The following FREM1 variants were observed in gnomAD, a reference collection of about 807,000 sequenced individuals.
The protein encoded by FREM1 is FRAS1-related extracellular matrix protein 1.
In FREM1, 220 loss-of-function variants were observed where a neutral mutation model predicts 210.1. The observed-to-expected ratio is 1.05, with a 90% confidence interval of 0.94 to 1.17. The LOEUF is 1.17. FREM1 is among the 50% of genes most tolerant of loss of function. FREM1 has a pLI of 0.00. For missense variants in FREM1, 3,454 were observed against 2,675.5 expected, an observed-to-expected ratio of 1.29 and a Z score of -6.42; for synonymous variants, 1,189 against 980.2, an observed-to-expected ratio of 1.21 and a Z score of -3.98.
At chr9:14,761,464 A>C (rs985941653) in intron 27 of FREM1, among the ~76,000 whole-genome samples, 1 of 152,212 alleles carries the variant, frequency 6.6e-6, no homozygotes, top group Non-Finnish European at 1.5e-5. Flanking sequence ...GTATTAAAAA[A>C]ATTGGAAACT....
At position 14,768,318 on chromosome 9, in the gene FREM1, GTT is replaced by G. The variant is rs59443247; in HGVS notation, c.5204+1404_5204+1405del. The stretch of plus-strand genomic sequence containing the variant: ...CCACGTATTAACATTTTTGGAGCAG[GTT>G]TTTTTTTTTTTTTTTTACATTTTCT... On this transcript the variant is annotated intron_variant, in intron 27 of 36. Coordinates refer to ENST00000380880, the MANE Select transcript of FREM1 (RefSeq NM_001379081.2). 6.3e-3 allele frequency among the ~76,000 whole-genome samples: 850 copies of G among 134,104 alleles called. 2 individuals are homozygous for G. The highest frequency in any genetic ancestry group is 0.011 in the Middle Eastern group (3 of 270). The allele number at this position is 134,104 out of a possible 152,430, so 88.0% of individuals were successfully genotyped here. A position where few individuals can be genotyped will look rare whatever the true frequency, so the allele number is the denominator to read the frequency against.
chr9:14,805,105 G>T lies in FREM1; in HGVS notation c.3322C>A (p.Gln1108Lys). ...GGTTCTATCCTCAGATGCCTGGACT[G>T]CACATAGTTAATGTGAAAAGCGTTC... ...DMNAFHINYV[Q>K]SRHLRIEPTA... Residue 1108 changes from glutamine to lysine, a missense_variant, in exon 19 of 37, where the codon CAG becomes AAG. Gln to Lys is a moderately conservative substitution (Grantham distance 53, BLOSUM62 1). Coordinates refer to ENST00000380880, the MANE Select transcript of FREM1 (RefSeq NM_001379081.2). The T allele has an allele frequency of 1.2e-6, 2 of 1,604,756 alleles. No homozygotes were observed. Among genetic ancestry groups the T allele is most frequent in the Non-Finnish European group, 1.7e-6 (2 of 1,174,138 alleles).
At chr9:14,877,798 A>G (rs1234182954) in intron 1 of FREM1, among the ~76,000 whole-genome samples, 2 of 152,334 alleles carry the variant, frequency 1.3e-5, no homozygotes, top group African/African-American at 2.4e-5. Flanking sequence ...CCTGGTGGCA[A>G]CCTAAAGCAG....
chr9:14,756,198 G>C (rs1049149197), intron 29 of FREM1, among the ~76,000 whole-genome samples, 176 bp downstream of exon 29: 2 of 151,916 alleles, frequency 1.3e-5, no homozygotes, highest in African/African-American at 4.8e-5. Context: ...AAAAAAATAA[G>C]GGCAAAACCT....
intron 10 of FREM1, among the ~76,000 whole-genome samples, chr9:14,834,240 G>A (rs1010027713): frequency 2.6e-5 from 4 of 152,124 alleles, no homozygotes; most frequent in Non-Finnish European, 4.4e-5. Flanking sequence ...ATCAGGGATG[G>A]GCTGATTACA....
At position 14,801,844 on chromosome 9, in the gene FREM1, A is replaced by T. The variant is rs767001846; in HGVS notation, c.3502T>A (p.Ser1168Thr). 1.9e-6 allele frequency: 3 copies of T among 1,613,624 alleles called. No homozygotes were observed. The highest frequency in any genetic ancestry group is 2.5e-6 in the Non-Finnish European group (3 of 1,179,740). The change falls in exon 20 of 37, where the codon TCT becomes ACT. Residue 1168 changes from serine to threonine, a missense_variant. Coordinates refer to ENST00000380880, the MANE Select transcript of FREM1 (RefSeq NM_001379081.2). Reference protein sequence around the residue: ...VCEGQMKELDSSIISAVDLDI... With the variant: ...VCEGQMKELDTSIISAVDLDI... ...AGGTCCACAGCGCTGATGATGGAAG[A>T]GTCCAGCTCTTTCATCTGACCCTCA...
intron 1 of FREM1, among the ~76,000 whole-genome samples, chr9:14,898,019 A>T (rs545123078): frequency 6.6e-6 from 1 of 152,348 alleles, no homozygotes; most frequent in South Asian, 2.1e-4. Flanking sequence ...ATAACTTTGT[A>T]AATAATGTTA....
At chr9:14,795,100 T>A (rs568269978) in intron 21 of FREM1, among the ~76,000 whole-genome samples, 29 of 152,018 alleles carry the variant, frequency 1.9e-4, no homozygotes, top group Admixed American at 8.5e-4. Flanking sequence ...AGTTCCTCAG[T>A]GAAATGAATG....
At position 14,852,429 on chromosome 9, in the gene FREM1, T is replaced by C. The variant is rs139245400; in HGVS notation, c.829-822A>G. ...AGGGTGAGGTGTGGTAGCTCACGCC[T>C]GCAATCCCAGCACTCTGGGAGGCCG... On this transcript the variant is annotated intron_variant, in intron 5 of 36. Transcript: ENST00000380880. 9.1e-3 allele frequency among the ~76,000 whole-genome samples: 1,386 copies of C among 152,258 alleles called. 22 individuals are homozygous for C. Among genetic ancestry groups the C allele is most frequent in the African/African-American group, 0.031 (1,306 of 41,556 alleles).
At chr9:14,799,276 A>G (rs964023996) in intron 20 of FREM1, among the ~76,000 whole-genome samples, 1 of 151,300 alleles carries the variant, frequency 6.6e-6, no homozygotes, top group African/African-American at 2.4e-5. Flanking sequence ...ACAGTGCAAG[A>G]CCCTGTCTCC....
intron 10 of FREM1, among the ~76,000 whole-genome samples, chr9:14,828,026 CAG>C (rs1234125148): frequency 6.6e-6 from 1 of 152,248 alleles, no homozygotes; most frequent in Non-Finnish European, 1.5e-5. Context: ...GGGACTCAGG[CAG>C]AGAGTTGCCT....
chr9:14,878,211 T>A (rs1168351239), intron 1 of FREM1, among the ~76,000 whole-genome samples: 1 of 152,168 alleles, frequency 6.6e-6, no homozygotes, highest in Non-Finnish European at 1.5e-5. Flanking sequence ...CAGTATGTGA[T>A]CTGTTTCCCT....
chr9:14,819,316 G>A lies in FREM1; in HGVS notation c.2464C>T (p.His822Tyr), dbSNP rs759988261. 12 of 1,613,852 alleles carry A rather than the reference G, an allele frequency of 7.4e-6. No individual in the cohort carries two copies. In the African/African-American group the frequency reaches 1.3e-4, roughly 18 times the overall value. ...IDLSLRELPL[H>Y]GRVELNGFPL... The stretch of plus-strand genomic sequence containing the variant: ...AATCCATTCAGCTCCACCCTTCCGT[G>A]CAGAGGCAATTCCCGCAGGGAGAGG... The change falls in exon 14 of 37, where the codon CAC becomes TAC. Residue 822 changes from histidine (H) to tyrosine (Y), a missense_variant. By Grantham distance (83) the His-to-Tyr change is moderately conservative. Coordinates refer to ENST00000380880, the MANE Select transcript of FREM1 (RefSeq NM_001379081.2).
chr9:14,792,515 C>A (rs1181128073), intron 22 of FREM1, among the ~76,000 whole-genome samples: 1 of 152,124 alleles, frequency 6.6e-6, no homozygotes, highest in East Asian at 1.9e-4. Flanking sequence ...TAGGGATAAT[C>A]CTACGGGAGA....
At position 14,788,959 on chromosome 9, in the gene FREM1, A is replaced by G. The variant is rs1409376641; in HGVS notation, c.4137T>C (p.Pro1379=). The G allele has an allele frequency of 6.2e-7, 1 of 1,613,094 alleles. No homozygotes were observed. Among genetic ancestry groups the G allele is most frequent in the Non-Finnish European group, 8.5e-7 (1 of 1,179,614 alleles). ...TGATGGTGATTTGACAGTCAAGAGC[A>G]GGGGACCTGTTGTTGCCATCCCAAA... ...FYLWDGNNRS[P]ALDCQITIKD... Residue 1379 remains proline, a synonymous_variant, in exon 23 of 37, where the codon CCT becomes CCC. Transcript: ENST00000380880.
At chr9:14,755,939 T>A (rs900336623) in intron 29 of FREM1, among the ~76,000 whole-genome samples, 2 of 152,194 alleles carry the variant, frequency 1.3e-5, no homozygotes, top group Non-Finnish European at 2.9e-5. Context: ...TCCCCTGGAA[T>A]CTCCTAATAT....
chr9:14,841,330 G>A (rs1052555500), intron 10 of FREM1, 117 bp downstream of exon 10: 9 of 804,556 alleles, frequency 1.1e-5, no homozygotes, highest in African/African-American at 8.6e-5. Context: ...TTGTTTAATC[G>A]ATTGTTTTTC....
chr9:14,851,663 A>C, intron 5 of FREM1, 56 bp from the exon 6 acceptor site: 1 of 1,271,726 alleles, frequency 7.9e-7, no homozygotes, highest in Non-Finnish European at 1.1e-6. Context: ...AGGTGATATC[A>C]TACAGGGCTA....
chr9:14,806,931 C>G, intron 17 of FREM1, 85 bp from the exon 18 acceptor site: 2 of 776,646 alleles, frequency 2.6e-6, no homozygotes, highest in Non-Finnish European at 3.9e-6. Context: ...GACTGAAATT[C>G]TAGTTCAGAG....
Sources: allele counts gnomAD v4.1 joint callset (sites outside exome capture counted in the v4.1 genomes callset), GRCh38; gene constraint gnomAD v4.1.1; transcripts MANE v1.5; gene names NCBI Gene and HGNC (gene_info 2026-07-23, HGNC 2026-07-21).